IKZF3: variants seen among roughly 807,000 people sequenced by gnomAD.
IKZF3 encodes zinc finger protein Aiolos.
A neutral mutation model predicts 49.0 loss-of-function variants in IKZF3; 10 were observed. The ratio of observed to expected loss-of-function variants is 0.20; its 90% confidence interval spans 0.13 to 0.35. The LOEUF (loss-of-function observed/expected upper bound fraction) is 0.35, where lower values mean the gene tolerates loss of function less well. Ranked by LOEUF, IKZF3 falls within the 10% of genes least tolerant of loss-of-function variation. The probability of loss-of-function intolerance (pLI) is 1.00; values close to 1 mark genes in which losing one functional copy is unlikely to be tolerated. For synonymous variants in IKZF3, 209 were observed against 228.2 expected (o/e 0.92, Z 0.76); for missense variants, 498 against 664.8 (o/e 0.75, Z 2.76).
intron 1 of IKZF3, among the ~76,000 whole-genome samples, chr17:39,860,929 G>A (rs1197590793): frequency 6.6e-6 from 1 of 152,060 alleles, no homozygotes; most frequent in Non-Finnish European, 1.5e-5. Context: ...TAACATTTTT[G>A]TTTTCCAAGC....
rs2060263595 is a variant in IKZF3 at position 39,765,306 on chromosome 17, A to C, written c.*484T>G. ...TGGCTGTTCTTTTACTTACTCTTAG[A>C]CTGTCATTTAGATTAGGGAGATTAG... On this transcript the variant is annotated 3_prime_UTR_variant, in exon 8 of 8. Coordinates refer to ENST00000346872, the MANE Select transcript of IKZF3 (RefSeq NM_012481.5). The C allele has an allele frequency of 6.5e-6, 1 of 153,616 alleles. No homozygotes were observed. The highest frequency in any genetic ancestry group is 6.5e-5 in the Admixed American group (1 of 15,474). The allele number at this position is 153,616 out of a possible 1,614,324, so 9.5% of individuals were successfully genotyped here. A position where few individuals can be genotyped will look rare whatever the true frequency, so the allele number is the denominator to read the frequency against.
chr17:39,810,355 C>G (rs752141608), intron 3 of IKZF3, among the ~76,000 whole-genome samples: 7 of 152,052 alleles, frequency 4.6e-5, no homozygotes, highest in Non-Finnish European at 8.8e-5. Context: ...CAAAAGAATA[C>G]AGTTTGTGTA....
At position 39,817,791 on chromosome 17, in the gene IKZF3, C is replaced by T. The variant is rs140802485; in HGVS notation, c.163+11596G>A. 2.8e-3 allele frequency among the ~76,000 whole-genome samples: 419 copies of T among 152,174 alleles called. 6 individuals are homozygous for T. Among genetic ancestry groups the T allele is most frequent in the African/African-American group, 9.7e-3 (402 of 41,504 alleles). ...GCAGGGTCCTGGTAACCACCTTTTC[C>T]AAACATATATGACCCAGATTAAGTG... On this transcript the variant is annotated intron_variant, in intron 3 of 7. Coordinates refer to ENST00000346872, the MANE Select transcript of IKZF3 (RefSeq NM_012481.5).
At chr17:39,791,980 A>G (rs1475307550) in intron 4 of IKZF3, among the ~76,000 whole-genome samples, 2 of 143,640 alleles carry the variant, frequency 1.4e-5, no homozygotes, top group African/African-American at 5.3e-5. Flanking sequence ...TGAAACCTTG[A>G]CCTCCTGGGT....
chr17:39,766,709 G>A (rs928898462), intron 7 of IKZF3, among the ~76,000 whole-genome samples: 2 of 152,178 alleles, frequency 1.3e-5, no homozygotes, highest in Non-Finnish European at 2.9e-5. Context: ...AGGCAGAAGA[G>A]AGGGGCAGAG....
chr17:39,767,010 C>T (rs1597943301), intron 7 of IKZF3, among the ~76,000 whole-genome samples: 2 of 152,188 alleles, frequency 1.3e-5, no homozygotes, highest in East Asian at 3.9e-4. Flanking sequence ...ACCTCGGCAG[C>T]TTTTTAAATA....
At chr17:39,839,248 A>T in intron 1 of IKZF3, 1 of 328,764 alleles carries the variant, frequency 3.0e-6, no homozygotes, top group South Asian at 3.7e-5. Flanking sequence ...GAGAGAAAAA[A>T]TATATTCCCA....
rs192523951 is a variant in IKZF3 at position 39,847,961 on chromosome 17, T to C, written c.8-15810A>G. Reference sequence around the variant, plus strand: ...AGAAGGCCAGAACTAGAAGAAATTTTAGATCCAATTAATTTCAAACACCCT... The same window carrying C: ...AGAAGGCCAGAACTAGAAGAAATTTCAGATCCAATTAATTTCAAACACCCT... On this transcript the variant is annotated intron_variant, in intron 1 of 7. Coordinates refer to ENST00000346872, the MANE Select transcript of IKZF3 (RefSeq NM_012481.5). Among the ~76,000 whole-genome samples, 92 of 152,336 alleles carry C rather than the reference T, an allele frequency of 6.0e-4. 3 individuals carry two copies. In the South Asian group the frequency reaches 0.013, roughly 21 times the overall value.
At chr17:39,781,639 A>C (rs1011933353) in intron 6 of IKZF3, among the ~76,000 whole-genome samples, 1 of 152,310 alleles carries the variant, frequency 6.6e-6, no homozygotes. Context: ...TACTGAAGTC[A>C]ATGTCAATTA....
chr17:39,759,490 C>T lies in IKZF3; in HGVS notation c.*6300G>A, dbSNP rs1357061667. On this transcript the variant is annotated 3_prime_UTR_variant, in exon 8 of 8. Coordinates refer to ENST00000346872, the MANE Select transcript of IKZF3 (RefSeq NM_012481.5). ...CAAACTGCAAAACCCTGTGTATCTT[C>T]ATAACAATGGTGGGGCAAAGACTAT... 6.6e-6 allele frequency: 1 copy of T among 152,096 alleles called. No individual in the cohort carries two copies. Among genetic ancestry groups the T allele is most frequent in the Non-Finnish European group, 1.5e-5 (1 of 68,006 alleles). The allele number at this position is 152,096 out of a possible 1,614,324, so 9.4% of individuals were successfully genotyped here. A position where few individuals can be genotyped will look rare whatever the true frequency, so the allele number is the denominator to read the frequency against.
At chr17:39,771,265 A>G (rs1012584253) in intron 7 of IKZF3, among the ~76,000 whole-genome samples, 1 of 152,208 alleles carries the variant, frequency 6.6e-6, no homozygotes, top group African/African-American at 2.4e-5. Flanking sequence ...CTTTTTCCAC[A>G]TGGACCAGCA....
At chr17:39,849,276 C>G (rs1288231663) in intron 1 of IKZF3, among the ~76,000 whole-genome samples, 1 of 72,982 alleles carries the variant, frequency 1.4e-5, no homozygotes, top group East Asian at 3.8e-4. Context: ...TCTACTAAAA[C>G]AATACAAAAA....
At position 39,766,321 on chromosome 17, in the gene IKZF3, C is replaced by T. The variant is rs1311304590; in HGVS notation, c.999G>A (p.Glu333=). Residue 333 remains glutamate (E), a synonymous_variant, in exon 8 of 8, where the codon GAG becomes GAA. Transcript: ENST00000346872. The part of the protein sequence containing the change: ...LVQTPPAPTS[E]MVPVISSMYP... Reference sequence around the variant, plus strand: ...ACATGCTGCTGATAACTGGAACCATCTCCGAGGTGGGAGCAGGCGGTGTCT... The same window carrying T: ...ACATGCTGCTGATAACTGGAACCATTTCCGAGGTGGGAGCAGGCGGTGTCT... 6.2e-7 allele frequency: 1 copy of T among 1,614,196 alleles called. No individual in the cohort carries two copies. The highest frequency in any genetic ancestry group is 1.7e-5 in the Admixed American group (1 of 60,028).
At chr17:39,767,106 A>T (rs944113089) in intron 7 of IKZF3, among the ~76,000 whole-genome samples, 1 of 152,194 alleles carries the variant, frequency 6.6e-6, no homozygotes, top group African/African-American at 2.4e-5. Context: ...GACTGAAGTG[A>T]AAGAGCTTCA....
At chr17:39,786,202 T>C (rs1307564679) in intron 6 of IKZF3, among the ~76,000 whole-genome samples, 1 of 152,242 alleles carries the variant, frequency 6.6e-6, no homozygotes, top group East Asian at 1.9e-4. Context: ...GTAAATTTTA[T>C]AGCATGTGAG....
intron 3 of IKZF3, among the ~76,000 whole-genome samples, chr17:39,823,799 C>T (rs773820995): frequency 6.6e-6 from 1 of 152,204 alleles, no homozygotes; most frequent in Non-Finnish European, 1.5e-5. Flanking sequence ...GGTTTGGGAA[C>T]CTCTGCTTAG....
rs2063299991 is a variant in IKZF3 at position 39,864,240 on chromosome 17, CCCCGGG to C, written c.-120_-115del. The C allele has an allele frequency of 1.6e-6, 2 of 1,257,286 alleles. No homozygotes were observed. Among genetic ancestry groups the C allele is most frequent in the Non-Finnish European group, 1.1e-6 (1 of 906,306 alleles). 77.9% of individuals were successfully genotyped at this position (1,257,286 alleles called of 1,614,324 possible). On this transcript the variant is annotated 5_prime_UTR_variant, in exon 1 of 8. In the 5' UTR this introduces an upstream ATG that the reference lacks. Coordinates refer to ENST00000346872, the MANE Select transcript of IKZF3 (RefSeq NM_012481.5). ...GCGGGAGATTCCCGGCGCGGGGAGT[CCCCGGG>C]ATCCGGCAGCCGCGTCGGCGCAGAC...
In IKZF3 at chr17:39,832,071, T is replaced by A. The variant is rs776039738; in HGVS notation, c.61+27A>T. On this transcript the variant is annotated intron_variant, in intron 2 of 7. Transcript: ENST00000346872. ...GGTATTTTTTTTAGTAAAGGTATAT[T>A]TCCAGAGAGGAAAGACCTGATGTTA... is the stretch of plus-strand genomic sequence containing the variant. 4.6e-5 allele frequency: 72 copies of A among 1,566,158 alleles called. No homozygotes were observed. The Admixed American group carries it at 1.2e-3, about 27-fold the overall frequency.
rs1259604328 is a variant in IKZF3 at position 39,792,812 on chromosome 17, T to C, written c.285A>G (p.Glu95=). ...IPYSYSREYN[E]YENIKLERHV... ...GTCTCTCCAACTTAATGTTTTCATATTCATTATATTCTCTTGAATAGCTGT... is the reference window on the plus strand; with the variant it reads ...GTCTCTCCAACTTAATGTTTTCATACTCATTATATTCTCTTGAATAGCTGT... Residue 95 remains glutamate (E), a synonymous_variant, in exon 4 of 8, where the codon GAA becomes GAG. Transcript: ENST00000346872. 6.2e-7 allele frequency: 1 copy of C among 1,614,122 alleles called. No individual in the cohort carries two copies. Among genetic ancestry groups the C allele is most frequent in the African/African-American group, 1.3e-5 (1 of 74,952 alleles).
Sources: allele counts gnomAD v4.1 joint callset (sites outside exome capture counted in the v4.1 genomes callset), GRCh38; gene constraint gnomAD v4.1.1; transcripts MANE v1.5; gene names NCBI Gene and HGNC (gene_info 2026-07-23, HGNC 2026-07-21).